Variants in ERICH5 observed in about 807,000 individuals in gnomAD.
The protein encoded by ERICH5 is glutamate rich 5.
Under a neutral mutation model 28.0 loss-of-function variants are expected in ERICH5, and 24 were observed. The ratio of observed to expected loss-of-function variants is 0.86; its 90% confidence interval spans 0.62 to 1.21. ERICH5 has a LOEUF of 1.21. Among genes scored for constraint, ERICH5 ranks in the 50% most tolerant of loss-of-function variants. The pLI, the probability that ERICH5 is intolerant of heterozygous loss-of-function variation, is 0.00. For missense variants in ERICH5, 421 were observed against 441.2 expected, an observed-to-expected ratio of 0.95 and a Z score of 0.41; for synonymous variants, 163 against 157.6, an observed-to-expected ratio of 1.03 and a Z score of -0.25.
chr8:98,091,900 C>CTTTCTTTCTTTTCTTTCTTTCTTT, intron 2 of ERICH5, among the ~76,000 whole-genome samples: 6 of 74,708 alleles, frequency 8.0e-5, no homozygotes, highest in African/African-American at 1.1e-4. Context: ...TTCTTTCTTT[C>CTTTCTTTCTTTTCTTTCTTTCTTT]CTTTCTTTCT....
intron 1 of ERICH5, among the ~76,000 whole-genome samples, chr8:98,065,102 G>C (rs1169037431): frequency 6.6e-6 from 1 of 152,208 alleles, no homozygotes; most frequent in Non-Finnish European, 1.5e-5. Context: ...CTTCTACCAA[G>C]GCTGGGGGCG....
At chr8:98,090,175 G>A (rs768420) in intron 2 of ERICH5, 146 bp downstream of exon 2, 98,996 of 577,888 alleles carry the variant, frequency 0.17, 9,274 homozygotes, top group Middle Eastern at 0.24. Context: ...AAAGGCTTCT[G>A]TGCCTGGGAA....
chr8:98,085,162 T>C (rs1815251593), intron 1 of ERICH5, among the ~76,000 whole-genome samples: 8 of 90,046 alleles, frequency 8.9e-5, no homozygotes, highest in Admixed American at 8.3e-4. Flanking sequence ...TTTTTTTTTT[T>C]TTTTTTTTTT....
intron 1 of ERICH5, among the ~76,000 whole-genome samples, chr8:98,071,880 A>C (rs1272412786): frequency 6.6e-6 from 1 of 151,032 alleles, no homozygotes; most frequent in Non-Finnish European, 1.5e-5. Flanking sequence ...ACAACAATCC[A>C]CATTGTTTTT....
rs751393921 is a variant in ERICH5, at chr8:98,078,690, TGTTA to T, written c.59-10382_59-10379del. Among the ~76,000 whole-genome samples, 9 of 152,316 alleles carry T rather than the reference TGTTA, an allele frequency of 5.9e-5. No homozygotes were observed. The East Asian group carries it at 1.2e-3, about 20-fold the overall frequency. ...ACAACGGTGCTTATAACAAGGGTTC[TGTTA>T]GTTCAGCTGTCACAATGAATTTGTG... On this transcript the variant is annotated intron_variant, in intron 1 of 2. Coordinates refer to ENST00000318528, the MANE Select transcript of ERICH5 (RefSeq NM_173549.3).
At position 98,064,631 on chromosome 8, in the gene ERICH5, AC is replaced by A; in HGVS notation, c.-36del. On this transcript the variant is annotated 5_prime_UTR_variant, in exon 1 of 3. Transcript: ENST00000318528. Reference sequence around the variant, plus strand: ...CTTCGGTTCCCGGTTCCGGGCCGACACCCGCGCAGGGCTGAGACAGGTGTCT... The same window carrying A: ...CTTCGGTTCCCGGTTCCGGGCCGACACCGCGCAGGGCTGAGACAGGTGTCT... 6.8e-7 allele frequency: 1 copy of A among 1,474,124 alleles called. No homozygotes were observed. The highest frequency in any genetic ancestry group is 9.1e-7 in the Non-Finnish European group (1 of 1,103,854). 91.3% of individuals were successfully genotyped at this position (1,474,124 alleles called of 1,614,324 possible).
chr8:98,079,728 C>T (rs1275373794), intron 1 of ERICH5, among the ~76,000 whole-genome samples: 6 of 152,088 alleles, frequency 3.9e-5, no homozygotes, highest in South Asian at 2.1e-4. Flanking sequence ...TTAGTAGAGA[C>T]GGGGTTTCAC....
intron 1 of ERICH5, among the ~76,000 whole-genome samples, chr8:98,065,239 C>T (rs764194783): frequency 6.6e-6 from 1 of 152,252 alleles, no homozygotes; most frequent in Non-Finnish European, 1.5e-5. Context: ...ACTAAAACAC[C>T]AACAAAAAAG....
intron 1 of ERICH5, among the ~76,000 whole-genome samples, chr8:98,076,357 T>C (rs1815055076): frequency 6.6e-6 from 1 of 151,472 alleles, no homozygotes; most frequent in African/African-American, 2.4e-5. Flanking sequence ...CCCAGCCGTA[T>C]TAACCTTAAT....
At chr8:98,069,494 T>C (rs2130506729) in intron 1 of ERICH5, among the ~76,000 whole-genome samples, 1 of 152,316 alleles carries the variant, frequency 6.6e-6, no homozygotes, top group Admixed American at 6.5e-5. Flanking sequence ...CCTCACTTTG[T>C]TTTTTTCACC....
At chr8:98,091,900 C>CTTTCTTTCTTTCTTCCTTTCTTT in intron 2 of ERICH5, among the ~76,000 whole-genome samples, 8 of 74,708 alleles carry the variant, frequency 1.1e-4, no homozygotes, top group African/African-American at 4.5e-4. Context: ...TTCTTTCTTT[C>CTTTCTTTCTTTCTTCCTTTCTTT]CTTTCTTTCT....
chr8:98,076,060 C>CT (rs1815047620), intron 1 of ERICH5, among the ~76,000 whole-genome samples: 1 of 111,098 alleles, frequency 9.0e-6, no homozygotes. Context: ...AGCATTTACG[C>CT]TTTTTGTGAG....
At chr8:98,067,455 TAA>T (rs754784106) in intron 1 of ERICH5, among the ~76,000 whole-genome samples, 21 of 130,796 alleles carry the variant, frequency 1.6e-4, no homozygotes, top group Non-Finnish European at 2.2e-4. Flanking sequence ...GAGACTCAAT[TAA>T]AAAAAAAAAA....
In ERICH5 at chr8:98,089,664, C is replaced by G. The variant is rs141748936; in HGVS notation, c.647C>G (p.Pro216Arg). 1 of 1,614,078 alleles carries G rather than the reference C, an allele frequency of 6.2e-7. No homozygotes were observed. Among genetic ancestry groups the G allele is most frequent in the Admixed American group, 1.7e-5 (1 of 60,012 alleles). ...QGTVGKDEQAPLLETISKENE... is the reference protein window; with the variant it reads ...QGTVGKDEQARLLETISKENE... ...ACAGTGGGAAAGGATGAGCAGGCCC[C>G]GCTTCTAGAAACAATTTCCAAAGAG... is the stretch of plus-strand genomic sequence containing the variant. Residue 216 changes from proline to arginine, a missense_variant, in exon 2 of 3, where the codon CCG (proline) becomes CGG (arginine). Transcript: ENST00000318528.
chr8:98,068,686 A>T (rs1563752291), intron 1 of ERICH5, among the ~76,000 whole-genome samples: 1 of 152,214 alleles, frequency 6.6e-6, no homozygotes, highest in Non-Finnish European at 1.5e-5. Flanking sequence ...CCCTCTGCTA[A>T]CATGGATAAT....
At chr8:98,079,657 G>A (rs779851444) in intron 1 of ERICH5, among the ~76,000 whole-genome samples, 11 of 151,994 alleles carry the variant, frequency 7.2e-5, no homozygotes, top group Admixed American at 2.0e-4. Flanking sequence ...CTCCTGCCTC[G>A]GCCTCCCGAG....
chr8:98,084,049 T>A (rs1199211836), intron 1 of ERICH5, among the ~76,000 whole-genome samples: 1 of 125,848 alleles, frequency 7.9e-6, no homozygotes, highest in Non-Finnish European at 1.8e-5. Flanking sequence ...CCCAGCTAAT[T>A]TTAATTTTTT....
At chr8:98,088,886 C>T (rs1426017847) in intron 1 of ERICH5, among the ~76,000 whole-genome samples, 190 bp from the exon 2 acceptor site, 2 of 152,080 alleles carry the variant, frequency 1.3e-5, no homozygotes, top group Non-Finnish European at 1.5e-5. Flanking sequence ...AATGTTTGAG[C>T]TGAAGACAAT....
chr8:98,091,901 C>CTT (rs1563759589), intron 2 of ERICH5, among the ~76,000 whole-genome samples: 2 of 7,980 alleles, frequency 2.5e-4, no homozygotes, highest in African/African-American at 7.1e-4. Flanking sequence ...TCTTTCTTTC[C>CTT]TTTCTTTCTT....
Sources: allele counts gnomAD v4.1 joint callset (sites outside exome capture counted in the v4.1 genomes callset), GRCh38; gene constraint gnomAD v4.1.1; transcripts MANE v1.5; gene names NCBI Gene and HGNC (gene_info 2026-07-23, HGNC 2026-07-21).